ANKLE2: variants seen among roughly 807,000 people sequenced by gnomAD.
The protein encoded by ANKLE2 is ankyrin repeat and LEM domain-containing protein 2.
In ANKLE2, 55 loss-of-function variants were observed where a neutral mutation model predicts 84.2. That is an observed-to-expected ratio of 0.65 (90% CI 0.53 to 0.82). The LOEUF is 0.82. Among genes scored for constraint, ANKLE2 ranks in the 40% least tolerant of loss-of-function variants. ANKLE2 has a pLI of 0.00. For missense variants in ANKLE2, 1,238 were observed against 1,201.9 expected (o/e 1.03, Z -0.44); for synonymous variants, 551 against 486.1 (o/e 1.13, Z -1.76).
At position 132,748,344 on chromosome 12, in the gene ANKLE2, GAC is replaced by G. The variant is rs757117234; in HGVS notation, c.848-15_848-14del. ...AAGCACAAACCATCTGTCAGTAAGA[GAC>G]AGAATTTAAGAACAATCAGTTTCAC... is the stretch of plus-strand genomic sequence containing the variant. On this transcript the variant is annotated splice_polypyrimidine_tract_variant and intron_variant, in intron 3 of 12. Coordinates refer to ENST00000357997, the MANE Select transcript of ANKLE2 (RefSeq NM_015114.3). The G allele has an allele frequency of 6.2e-7, 1 of 1,613,652 alleles. No homozygotes were observed. The highest frequency in any genetic ancestry group is 2.2e-5 in the East Asian group (1 of 44,878).
chr12:132,747,878 C>T lies in ANKLE2; in HGVS notation c.1184G>A (p.Arg395His), dbSNP rs776416320. 18 of 1,611,452 alleles carry T rather than the reference C, an allele frequency of 1.1e-5. No individual in the cohort carries two copies. The highest frequency in any genetic ancestry group is 7.7e-5 in the South Asian group (7 of 90,758). ...GTACAGGTCCACCACGTAACGGATA[C>T]GCTTCTGCAGCATGGCCTCGTCGTC... ...PDDDEAMLQK[R>H]IRYVVDLYLN... is the part of the protein sequence containing the mutation. The change falls in exon 5 of 13, where the codon CGT becomes CAT. Residue 395 changes from arginine to histidine, a missense_variant. Coordinates refer to ENST00000357997, the MANE Select transcript of ANKLE2 (RefSeq NM_015114.3).
rs554101754 is a variant in ANKLE2, at chr12:132,727,228, G to A, written c.*14C>T. 16 of 1,538,448 alleles carry A rather than the reference G, an allele frequency of 1.0e-5. No homozygotes were observed. Among genetic ancestry groups the A allele is most frequent in the African/African-American group, 1.4e-5 (1 of 72,770 alleles). ...TTTAAAAATGAAGAACAAACCGAGA[G>A]CCCAGCGCCAAGCCTACAGGGCGGC... On this transcript the variant is annotated 3_prime_UTR_variant, in exon 13 of 13. Coordinates refer to ENST00000357997, the MANE Select transcript of ANKLE2 (RefSeq NM_015114.3).
At chr12:132,752,184 T>C (rs983063083) in intron 2 of ANKLE2, among the ~76,000 whole-genome samples, 3 of 151,814 alleles carry the variant, frequency 2.0e-5, no homozygotes, top group Non-Finnish European at 4.4e-5. Context: ...CTACTAAAAA[T>C]ATAAAATTAG....
intron 10 of ANKLE2, among the ~76,000 whole-genome samples, chr12:132,733,544 G>A (rs1366819488): frequency 9.4e-5 from 14 of 148,154 alleles, no homozygotes; most frequent in African/African-American, 2.2e-4. Context: ...GATATGCACC[G>A]TGTGAAGCGC....
At chr12:132,734,654 G>A in intron 9 of ANKLE2, 79 bp from the exon 10 acceptor site, 9 of 1,379,092 alleles carry the variant, frequency 6.5e-6, no homozygotes, top group Non-Finnish European at 8.9e-6. Context: ...AGCCACTAAA[G>A]CTTCAAGTAC....
Position 132,761,726 on chromosome 12 carries a change from G to C in ANKLE2, c.73C>G (p.Leu25Val). 1 of 1,329,484 alleles carries C rather than the reference G, an allele frequency of 7.5e-7. No homozygotes were observed. The highest frequency in any genetic ancestry group is 9.7e-7 in the Non-Finnish European group (1 of 1,032,032). 82.4% of individuals were successfully genotyped at this position (1,329,484 alleles called of 1,614,324 possible). Residue 25 changes from leucine to valine, a missense_variant, in exon 1 of 13, where the codon CTG becomes GTG. Physicochemically the swap from Leu to Val is conservative, Grantham distance 32. This residue lies in a region of ANKLE2 where 422 missense variants were observed against 394.5 expected (regional missense o/e 1.07). Transcript: ENST00000357997. ...CGCACCAGCCACCGCACAGCGATCA[G>C]CAGCACCGAGGCGCCCAGCAGCTCC... The part of the protein sequence containing the change: ...AWELLGASVL[L>V]IAVRWLVRRL...
chr12:132,741,047 CCT>C (rs1383809559), intron 7 of ANKLE2, among the ~76,000 whole-genome samples: 1 of 152,194 alleles, frequency 6.6e-6, no homozygotes, highest in Admixed American at 6.5e-5. Context: ...CCTGCCTCTC[CCT>C]GAGCTGTTCT....
chr12:132,739,668 A>G (rs2044082871), intron 7 of ANKLE2, among the ~76,000 whole-genome samples: 1 of 152,164 alleles, frequency 6.6e-6, no homozygotes. Flanking sequence ...TGTCTCTCAT[A>G]ACACTTTAGA....
intron 1 of ANKLE2, chr12:132,760,878 C>T (rs1453111836): frequency 6.6e-6 from 1 of 152,266 alleles, no homozygotes; most frequent in Admixed American, 6.5e-5. Flanking sequence ...AACCTCTAAC[C>T]CTGCCTTGGT....
At chr12:132,740,984 G>A (rs1287100853) in intron 7 of ANKLE2, among the ~76,000 whole-genome samples, 1 of 152,116 alleles carries the variant, frequency 6.6e-6, no homozygotes, top group Admixed American at 6.6e-5. Flanking sequence ...CCCCAACACA[G>A]GCAAAGAGAC....
intron 6 of ANKLE2, 131 bp from the exon 7 acceptor site, chr12:132,741,616 C>T: frequency 1.1e-6 from 1 of 889,010 alleles, no homozygotes; most frequent in Non-Finnish European, 1.8e-6. Context: ...TTTAATAAAG[C>T]TCACACTCAG....
intron 3 of ANKLE2, chr12:132,748,873 A>ATATATATATATG: frequency 6.7e-6 from 1 of 149,930 alleles, no homozygotes; most frequent in Non-Finnish European, 1.5e-5. Flanking sequence ...ATATATATAT[A>ATATATATATATG]TATATATATA....
rs376391828 is a variant in ANKLE2, at chr12:132,735,948, G to A, written c.1594-436C>T. 7.9e-5 allele frequency among the ~76,000 whole-genome samples: 12 copies of A among 152,178 alleles called. No homozygotes were observed. In the East Asian group the frequency reaches 1.7e-3, roughly 22 times the overall value. On this transcript the variant is annotated intron_variant, in intron 8 of 12. Transcript: ENST00000357997. ...CTTACCTGATACCACCTAATTTTGG[G>A]GCCATTTTCTTTTTTGTTTTGGAGA...
rs1423779996 is a variant in ANKLE2, at chr12:132,743,370, T to C, written c.1231-94A>G. ...ACATATTCATTCATTCATTCATTCATTTATTTATTTTGAGACGGAGTCTCA... is the reference window on the plus strand; with the variant it reads ...ACATATTCATTCATTCATTCATTCACTTATTTATTTTGAGACGGAGTCTCA... On this transcript the variant is annotated intron_variant, in intron 5 of 12. Transcript: ENST00000357997. The surrounding 1 kb of genome is among the most constrained non-coding windows in gnomAD (Gnocchi z 4.1). 3 of 1,419,500 alleles carry C rather than the reference T, an allele frequency of 2.1e-6. No individual in the cohort carries two copies. The highest frequency in any genetic ancestry group is 2.9e-5 in the African/African-American group (2 of 68,594). The allele number at this position is 1,419,500 out of a possible 1,614,324, so 87.9% of individuals were successfully genotyped here. A position where few individuals can be genotyped will look rare whatever the true frequency, so the allele number is the denominator to read the frequency against.
intron 9 of ANKLE2, 133 bp from the exon 10 acceptor site, chr12:132,734,708 T>A: frequency 1.1e-6 from 1 of 898,450 alleles, no homozygotes; most frequent in Non-Finnish European, 1.7e-6. Flanking sequence ...CCTTTATCCT[T>A]AACTGGCAGC....
intron 11 of ANKLE2, among the ~76,000 whole-genome samples, chr12:132,728,892 C>T (rs2043764899): frequency 6.6e-6 from 1 of 152,154 alleles, no homozygotes; most frequent in African/African-American, 2.4e-5. Context: ...GCTTTTCTTC[C>T]TAGAAGGATT....
chr12:132,731,747 C>G (rs545888491), intron 10 of ANKLE2: 1 of 152,200 alleles, frequency 6.6e-6, no homozygotes, highest in African/African-American at 2.4e-5. Context: ...CACGCCCGGC[C>G]GCTGGGATTG....
intron 10 of ANKLE2, among the ~76,000 whole-genome samples, chr12:132,733,520 G>C (rs568923784): frequency 6.6e-6 from 1 of 151,038 alleles, no homozygotes; most frequent in African/African-American, 2.4e-5. Flanking sequence ...GAAGCTCTCT[G>C]CGTGCTGGTG....
intron 1 of ANKLE2, chr12:132,759,678 G>A (rs771958129): frequency 2.3e-5 from 3 of 130,712 alleles, no homozygotes; most frequent in South Asian, 2.1e-4. Flanking sequence ...CACCTTGTCC[G>A]CAGCTCTGCC....
Sources: allele counts gnomAD v4.1 joint callset (sites outside exome capture counted in the v4.1 genomes callset), GRCh38; gene constraint gnomAD v4.1.1; regional missense constraint gnomAD v4.1.1; non-coding constraint Gnocchi (gnomAD v3.1); transcripts MANE v1.5; gene names NCBI Gene and HGNC (gene_info 2026-07-23, HGNC 2026-07-21).